The following TFPI variants were observed in gnomAD, a reference collection of about 807,000 sequenced individuals.
TFPI encodes tissue factor pathway inhibitor, also known as anti-convertin.
A neutral mutation model predicts 34.6 loss-of-function variants in TFPI; 15 were observed. That is an observed-to-expected ratio of 0.43 (90% CI 0.29 to 0.67). TFPI has a LOEUF of 0.67. Ranked by LOEUF, TFPI falls within the 30% of genes least tolerant of loss-of-function variation. The pLI is 0.15. For synonymous variants in TFPI, 105 were observed against 120.1 expected (o/e 0.87, Z 0.82); for missense variants, 301 against 364.0 (o/e 0.83, Z 1.41).
At chr2:187,520,992 T>C (rs138583908) in intron 1 of TFPI, among the ~76,000 whole-genome samples, 2 of 152,112 alleles carry the variant, frequency 1.3e-5, no homozygotes, top group South Asian at 2.1e-4. Context: ...TCTCATATTG[T>C]ATATTTTATG....
Position 187,466,844 on chromosome 2 carries a change from T to C in TFPI, c.*92A>G, listed in dbSNP as rs1216042894. On this transcript the variant is annotated 3_prime_UTR_variant, in exon 8 of 8. Transcript: ENST00000233156. Reference sequence around the variant, plus strand: ...ATAGAAAATTTAATGAACATATTAATTAAAAGCATTTTAGAAGAAAAATAG... The same window carrying C: ...ATAGAAAATTTAATGAACATATTAACTAAAAGCATTTTAGAAGAAAAATAG... 9 of 715,008 alleles carry C rather than the reference T, an allele frequency of 1.3e-5. No individual in the cohort carries two copies. Among genetic ancestry groups the C allele is most frequent in the African/African-American group, 1.9e-5 (1 of 53,682 alleles). The allele number at this position is 715,008 out of a possible 1,614,324, so 44.3% of individuals were successfully genotyped here.
intron 4 of TFPI, 36 bp downstream of exon 4, chr2:187,488,301 T>A (rs750780617): frequency 1.3e-6 from 2 of 1,539,472 alleles, no homozygotes; most frequent in East Asian, 4.7e-5. Flanking sequence ...ATGCCTTACA[T>A]AAATGCTTCA....
chr2:187,546,642 T>C (rs905116851), intron 1 of TFPI: 4 of 152,166 alleles, frequency 2.6e-5, no homozygotes, highest in African/African-American at 9.6e-5. Context: ...TTACCATACA[T>C]ATTAAAAATG....
intron 6 of TFPI, 40 bp downstream of exon 6, chr2:187,484,084 A>T: frequency 6.6e-7 from 1 of 1,522,950 alleles, no homozygotes; most frequent in Non-Finnish European, 9.1e-7. Flanking sequence ...TTAGCATGAT[A>T]ATAGTTTCCT....
chr2:187,551,281 C>T (rs80076899), intron 1 of TFPI, among the ~76,000 whole-genome samples: 2,115 of 152,154 alleles, frequency 0.014, 20 homozygotes, highest in Middle Eastern at 0.028. Context: ...CTATTATGGG[C>T]CATGATGTCC....
intron 6 of TFPI, among the ~76,000 whole-genome samples, chr2:187,477,562 T>G (rs1692465355): frequency 6.6e-6 from 1 of 152,110 alleles, no homozygotes; most frequent in Admixed American, 6.6e-5. Context: ...AGGGAGAGTT[T>G]CTCTCCAGAA....
chr2:187,509,735 T>C (rs1686488997), intron 1 of TFPI, among the ~76,000 whole-genome samples: 1 of 152,214 alleles, frequency 6.6e-6, no homozygotes, highest in Non-Finnish European at 1.5e-5. Flanking sequence ...GCTGATCTTT[T>C]CAAATAACCA....
At chr2:187,467,085 A>G in intron 7 of TFPI, 43 bp from the exon 8 acceptor site, 5 of 1,236,744 alleles carry the variant, frequency 4.0e-6, no homozygotes, top group Non-Finnish European at 5.7e-6. Flanking sequence ...ATAAAATAAC[A>G]CAATGAAATG....
chr2:187,467,042 C>A lies in TFPI; in HGVS notation c.809G>T (p.Gly270Val), dbSNP rs1490555824. The A allele has an allele frequency of 6.5e-7, 1 of 1,529,454 alleles. No individual in the cohort carries two copies. The highest frequency in any genetic ancestry group is 1.4e-5 in the African/African-American group (1 of 72,198). 94.7% of individuals were successfully genotyped at this position (1,529,454 alleles called of 1,614,324 possible). The change falls in exon 8 of 8, where the codon GGT becomes GTT. Residue 270 changes from glycine to valine, a missense_variant and splice_region_variant. Transcript: ENST00000233156. Reference sequence around the variant, plus strand: ...TCCTTTTGATATTCTTTGGATGAAACCTATAAGAGGAAGAGGAATAAATTA... The same window carrying A: ...TCCTTTTGATATTCTTTGGATGAAAACTATAAGAGGAAGAGGAATAAATTA... ...KQECLRACKK[G>V]FIQRISKGGL...
chr2:187,489,154 G>A (rs928941783), intron 3 of TFPI, among the ~76,000 whole-genome samples: 2 of 151,350 alleles, frequency 1.3e-5, no homozygotes, highest in Admixed American at 6.6e-5. Flanking sequence ...GTTAGCATTC[G>A]TTATATGACC....
intron 1 of TFPI, among the ~76,000 whole-genome samples, chr2:187,544,935 C>T (rs1420638866): frequency 3.3e-5 from 5 of 151,922 alleles, no homozygotes; most frequent in Non-Finnish European, 7.4e-5. Context: ...GCCAACATGG[C>T]GAAACCCTGA....
chr2:187,537,961 G>C (rs1395651202), intron 1 of TFPI, among the ~76,000 whole-genome samples: 1 of 152,192 alleles, frequency 6.6e-6, no homozygotes, highest in Admixed American at 6.5e-5. Flanking sequence ...AGACATTTAT[G>C]CAATCAACAA....
intron 1 of TFPI, among the ~76,000 whole-genome samples, chr2:187,531,085 G>T (rs560813319): frequency 9.7e-4 from 148 of 152,144 alleles, no homozygotes; most frequent in Non-Finnish European, 1.6e-3. Context: ...TCTATTAAAT[G>T]GACAGTAATG....
intron 3 of TFPI, among the ~76,000 whole-genome samples, chr2:187,488,615 T>C (rs778462139): frequency 1.1e-4 from 16 of 151,430 alleles, no homozygotes; most frequent in Non-Finnish European, 1.5e-4. Context: ...GATAAAACTT[T>C]CTAACACACT....
intron 6 of TFPI, among the ~76,000 whole-genome samples, chr2:187,479,696 A>G (rs1304532078): frequency 6.6e-6 from 1 of 150,938 alleles, no homozygotes; most frequent in Non-Finnish European, 1.5e-5. Context: ...TAAAATAGAC[A>G]TATACCTTAA....
Position 187,488,376 on chromosome 2 carries a change from C to A in TFPI, c.320-1G>T. The stretch of plus-strand genomic sequence containing the variant: ...GTCTTTATAATCCTGTTTGCATTAT[C>A]TGTAATCAAAAGAATATATGCATAT... On this transcript the variant is annotated splice_acceptor_variant, in intron 3 of 7. Coordinates refer to ENST00000233156, the MANE Select transcript of TFPI (RefSeq NM_006287.6). LOFTEE classifies it high-confidence loss of function. 1 of 1,542,784 alleles carries A rather than the reference C, an allele frequency of 6.5e-7. No homozygotes were observed. Among genetic ancestry groups the A allele is most frequent in the Non-Finnish European group, 8.7e-7 (1 of 1,147,598 alleles).
At chr2:187,529,679 C>T (rs1371555918) in intron 1 of TFPI, among the ~76,000 whole-genome samples, 1 of 152,162 alleles carries the variant, frequency 6.6e-6, no homozygotes, top group Non-Finnish European at 1.5e-5. Context: ...AGAGCAGGAA[C>T]ATTCCTAGTG....
chr2:187,495,404 G>T (rs1206034896), intron 3 of TFPI, among the ~76,000 whole-genome samples: 1 of 152,140 alleles, frequency 6.6e-6, no homozygotes, highest in Non-Finnish European at 1.5e-5. Flanking sequence ...AGAAAATGGG[G>T]TATAGAAATC....
chr2:187,539,887 T>C (rs1323123946), intron 1 of TFPI, among the ~76,000 whole-genome samples: 4 of 151,926 alleles, frequency 2.6e-5, no homozygotes, highest in Non-Finnish European at 5.9e-5. Context: ...CCACCACCCA[T>C]TACGTCATCT....
Sources: gnomAD v4.1 joint callset for allele counts (sites outside exome capture counted in the v4.1 genomes callset) on GRCh38, gnomAD v4.1.1 for gene constraint, MANE v1.5 for transcripts, NCBI Gene and HGNC (gene_info 2026-07-23, HGNC 2026-07-21) for gene names.